The following CNTNAP4 variants were observed in gnomAD, a reference collection of about 807,000 sequenced individuals.
CNTNAP4 encodes the protein contactin associated protein family member 4.
CNTNAP4 carries 98 observed loss-of-function variants against 148.4 expected under a neutral mutation model. That is an observed-to-expected ratio of 0.66 (90% CI 0.56 to 0.78). The LOEUF (loss-of-function observed/expected upper bound fraction) is 0.78, where lower values mean the gene tolerates loss of function less well. CNTNAP4 is among the 30% of genes least tolerant of loss of function. CNTNAP4 has a pLI of 0.00. For missense variants in CNTNAP4, 1,935 were observed against 1,565.6 expected, an observed-to-expected ratio of 1.24 and a Z score of -3.98; for synonymous variants, 730 against 565.1, an observed-to-expected ratio of 1.29 and a Z score of -4.14.
At chr16:76,544,176 T>G (rs1174514163) in intron 21 of CNTNAP4, among the ~76,000 whole-genome samples, 1 of 152,048 alleles carries the variant, frequency 6.6e-6, no homozygotes, top group African/African-American at 2.4e-5. Flanking sequence ...AATGTCTGGA[T>G]ATTTCTTCTA....
intron 3 of CNTNAP4, among the ~76,000 whole-genome samples, chr16:76,403,727 C>T (rs1239301896): frequency 6.6e-6 from 1 of 152,142 alleles, no homozygotes; most frequent in Non-Finnish European, 1.5e-5. Context: ...AATCATTCTA[C>T]CACAAAGACA....
intron 18 of CNTNAP4, among the ~76,000 whole-genome samples, chr16:76,537,762 T>C (rs12051273): frequency 0.36 from 54,611 of 151,914 alleles, 10,549 homozygotes; most frequent in East Asian, 0.49. Flanking sequence ...ATACACTTCA[T>C]TTAAGATTGT....
chr16:76,478,010 C>G (rs761274780), intron 11 of CNTNAP4, among the ~76,000 whole-genome samples: 2 of 152,024 alleles, frequency 1.3e-5, no homozygotes, highest in African/African-American at 4.8e-5. Flanking sequence ...ATAACTATTC[C>G]GAGAAATGAA....
intron 1 of CNTNAP4, among the ~76,000 whole-genome samples, chr16:76,304,762 G>GA (rs1435405682): frequency 6.6e-6 from 1 of 152,110 alleles, no homozygotes; most frequent in Non-Finnish European, 1.5e-5. Flanking sequence ...CACAAAATCT[G>GA]AAAAAATTAA....
At position 76,462,108 on chromosome 16, in the gene CNTNAP4, A is replaced by G. The variant is rs2080993774; in HGVS notation, c.1483+3A>G. 6.2e-7 allele frequency: 1 copy of G among 1,612,484 alleles called. No individual in the cohort carries two copies. The highest frequency in any genetic ancestry group is 2.2e-5 in the East Asian group (1 of 44,832). ...GGGTGGCACCTATTATTTTGGAGGTAAGAATAGGTGCCAGGCTCTATGAGC... is the reference window on the plus strand; with the variant it reads ...GGGTGGCACCTATTATTTTGGAGGTGAGAATAGGTGCCAGGCTCTATGAGC... On this transcript the variant is annotated splice_donor_region_variant and intron_variant, in intron 9 of 23. Transcript: ENST00000611870.
chr16:76,534,380 A>G (rs1299443546), intron 17 of CNTNAP4, among the ~76,000 whole-genome samples: 1 of 152,226 alleles, frequency 6.6e-6, no homozygotes, highest in Admixed American at 6.5e-5. Flanking sequence ...GAGAATTTAT[A>G]TGTAAAGAGT....
At chr16:76,498,984 A>G (rs1475289469) in intron 15 of CNTNAP4, among the ~76,000 whole-genome samples, 2 of 152,260 alleles carry the variant, frequency 1.3e-5, no homozygotes, top group South Asian at 2.1e-4. Flanking sequence ...GTTACACAAC[A>G]GTGTGAATGG....
chr16:76,532,019 C>CT (rs2084005169), intron 17 of CNTNAP4, among the ~76,000 whole-genome samples: 2 of 152,142 alleles, frequency 1.3e-5, no homozygotes, highest in Non-Finnish European at 2.9e-5. Context: ...CACACTCTGA[C>CT]CTTCTTCTTT....
intron 1 of CNTNAP4, among the ~76,000 whole-genome samples, chr16:76,284,480 C>G (rs138116747): frequency 2.0e-5 from 3 of 151,990 alleles, no homozygotes; most frequent in African/African-American, 7.2e-5. Context: ...CTGTGATTAA[C>G]TGAAAACACT....
intron 3 of CNTNAP4, among the ~76,000 whole-genome samples, chr16:76,361,111 C>A (rs1269059146): frequency 6.6e-6 from 1 of 151,948 alleles, no homozygotes; most frequent in East Asian, 1.9e-4. Flanking sequence ...GCATGAGGCA[C>A]CGCGCCCGGC....
At chr16:76,325,359 C>T (rs571580506) in intron 2 of CNTNAP4, among the ~76,000 whole-genome samples, 1 of 152,180 alleles carries the variant, frequency 6.6e-6, no homozygotes, top group African/African-American at 2.4e-5. Context: ...CTGCAGAATA[C>T]ACATTCTTAT....
chr16:76,385,456 A>G (rs1790868475), intron 3 of CNTNAP4, among the ~76,000 whole-genome samples: 1 of 151,720 alleles, frequency 6.6e-6, no homozygotes, highest in South Asian at 2.1e-4. Flanking sequence ...AAACAACTGT[A>G]ATTTTTCTTC....
At chr16:76,454,835 C>G (rs1272645330) in intron 8 of CNTNAP4, among the ~76,000 whole-genome samples, 2 of 152,128 alleles carry the variant, frequency 1.3e-5, no homozygotes, top group African/African-American at 4.8e-5. Context: ...TGTACTAAAT[C>G]TTTTCATTAT....
intron 1 of CNTNAP4, among the ~76,000 whole-genome samples, chr16:76,281,620 A>G (rs1315100083): frequency 6.6e-6 from 1 of 152,084 alleles, no homozygotes; most frequent in Non-Finnish European, 1.5e-5. Context: ...GCTAATGAGT[A>G]TATCAAGATT....
At position 76,560,654 on chromosome 16, in the gene CNTNAP4, C is replaced by T. The variant is rs1306733863; in HGVS notation, c.*1971C>T. Among the ~76,000 whole-genome samples, 5 of 152,186 alleles carry T rather than the reference C, an allele frequency of 3.3e-5. No individual in the cohort carries two copies. The highest frequency in any genetic ancestry group is 1.3e-4 in the Admixed American group (2 of 15,284). On this transcript the variant is annotated 3_prime_UTR_variant, in exon 24 of 24. Coordinates refer to ENST00000611870, the MANE Select transcript of CNTNAP4 (RefSeq NM_033401.5). ...GTGGTCTGCACTGCTAGAGACTCAA[C>T]ATTATGGCATGGAAATGCATTGACA...
At chr16:76,531,004 G>A (rs977723888) in intron 17 of CNTNAP4, among the ~76,000 whole-genome samples, 6 of 152,170 alleles carry the variant, frequency 3.9e-5, no homozygotes, top group African/African-American at 1.4e-4. Flanking sequence ...TTAATTTGTG[G>A]TTGAGGCTTT....
chr16:76,339,514 C>T (rs964274840), intron 2 of CNTNAP4, among the ~76,000 whole-genome samples: 1 of 151,754 alleles, frequency 6.6e-6, no homozygotes, highest in Non-Finnish European at 1.5e-5. Flanking sequence ...ATTTCAGACA[C>T]TCTAGAGAAG....
At chr16:76,309,741 T>TG in intron 1 of CNTNAP4, 1 of 641,260 alleles carries the variant, frequency 1.6e-6, no homozygotes, top group Non-Finnish European at 2.8e-6. Flanking sequence ...GTAATTGAAT[T>TG]GGGGTTTGGG....
At chr16:76,320,146 G>C (rs1962251964) in intron 2 of CNTNAP4, among the ~76,000 whole-genome samples, 1 of 152,118 alleles carries the variant, frequency 6.6e-6, no homozygotes, top group South Asian at 2.1e-4. Flanking sequence ...AAGAAAAGAG[G>C]GTCATGTTAT....
Sources: allele counts gnomAD v4.1 joint callset (sites outside exome capture counted in the v4.1 genomes callset), GRCh38; gene constraint gnomAD v4.1.1; transcripts MANE v1.5; gene names NCBI Gene and HGNC (gene_info 2026-07-23, HGNC 2026-07-21).